RECQL4: variants seen among roughly 807,000 people sequenced by gnomAD.
RECQL4 encodes the protein RecQ like helicase 4.
RECQL4 carries 158 observed loss-of-function variants against 128.6 expected under a neutral mutation model. That is an observed-to-expected ratio of 1.23 (90% CI 1.08 to 1.40). The LOEUF (loss-of-function observed/expected upper bound fraction) is 1.40. Ranked by LOEUF, RECQL4 falls within the 40% of genes most tolerant of loss-of-function variation. The pLI is 0.00. For missense variants in RECQL4, 2,293 were observed against 1,649.8 expected (o/e 1.39, Z -6.75); for synonymous variants, 996 against 678.9 (o/e 1.47, Z -7.26).
rs769823922 is a variant in RECQL4 at position 144,512,217 on chromosome 8, G to A, written c.3163C>T (p.Leu1055Phe). The change falls in exon 18 of 21, where the codon CTC becomes TTC. Residue 1055 changes from leucine (L) to phenylalanine (F), a missense_variant. Transcript: ENST00000617875. The stretch of plus-strand genomic sequence containing the variant: ...TCCCGGGCCTGCACACGGCCATAGA[G>A]GAAGTCACATATCTGGTCCTTCTCC... ...AEEKDQICDF[L>F]YGRVQARERQ... 12 of 1,612,324 alleles carry A rather than the reference G, an allele frequency of 7.4e-6. No individual in the cohort carries two copies. The highest frequency in any genetic ancestry group is 9.3e-6 in the Non-Finnish European group (11 of 1,179,756).
intron 4 of RECQL4, 48 bp from the exon 5 acceptor site, chr8:144,516,812 T>A: frequency 6.7e-7 from 1 of 1,494,450 alleles, no homozygotes; most frequent in Non-Finnish European, 8.9e-7. Flanking sequence ...GCCCCTGAGC[T>A]ACTGTAGACT....
chr8:144,517,387 G>A (rs1815327731), intron 3 of RECQL4, 27 bp downstream of exon 3: 1 of 1,544,506 alleles, frequency 6.5e-7, no homozygotes, highest in Non-Finnish European at 8.7e-7. Context: ...GAAGTGGGAG[G>A]AGGCTGGGGC....
rs1827949490 is a variant in RECQL4, at chr8:144,515,028, G to A, written c.1528C>T (p.Leu510=). ...LVLPTGAGKS[L]CYQLPALLYS... is the part of the protein sequence containing the mutation. Reference sequence around the variant, plus strand: ...AGCAGCGCTGGGAGCTGGTAGCACAGGGACTTGCCGGCACCTGTAGGCAGC... The same window carrying A: ...AGCAGCGCTGGGAGCTGGTAGCACAAGGACTTGCCGGCACCTGTAGGCAGC... Residue 510 remains leucine, a synonymous_variant, in exon 9 of 21, where the codon CTG becomes TTG. Transcript: ENST00000617875. 2 of 1,610,238 alleles carry A rather than the reference G, an allele frequency of 1.2e-6. No individual in the cohort carries two copies. Among genetic ancestry groups the A allele is most frequent in the African/African-American group, 1.3e-5 (1 of 74,874 alleles).
chr8:144,516,006 G>A lies in RECQL4; in HGVS notation c.1113C>T (p.Ser371=), dbSNP rs1391435411. 1 of 1,609,746 alleles carries A rather than the reference G, an allele frequency of 6.2e-7. No homozygotes were observed. Among genetic ancestry groups the A allele is most frequent in the Non-Finnish European group, 8.5e-7 (1 of 1,177,486 alleles). The change falls in exon 5 of 21, where the codon AGC becomes AGT. Residue 371 remains serine, a synonymous_variant. Coordinates refer to ENST00000617875, the MANE Select transcript of RECQL4 (RefSeq NM_004260.4). ...GTCTTACCTGCTTGCGGAGGAGCCT[G>A]CTACGGAGTGCCCGGCCCCGCACGT... ...KHYVRGRALR[S]RLLRKQAWKQ... is the part of the protein sequence containing the mutation.
chr8:144,515,989 T>A lies in RECQL4; in HGVS notation c.1130A>T (p.Gln377Leu), dbSNP rs944826681. 25 of 1,609,516 alleles carry A rather than the reference T, an allele frequency of 1.6e-5. No homozygotes were observed. The Admixed American group carries it at 3.7e-4, about 24-fold the overall frequency. Residue 377 changes from glutamine (Q) to leucine (L), a missense_variant and splice_region_variant, in exon 5 of 21, where the codon CAG becomes CTG. By Grantham distance (113) the Gln-to-Leu change is moderately radical. Coordinates refer to ENST00000617875, the MANE Select transcript of RECQL4 (RefSeq NM_004260.4). ...RALRSRLLRK[Q>L]AWKQKWRKKG... ...TGTCCTGGCCCGTCGCTGTCTTACCTGCTTGCGGAGGAGCCTGCTACGGAG... is the reference window on the plus strand; with the variant it reads ...TGTCCTGGCCCGTCGCTGTCTTACCAGCTTGCGGAGGAGCCTGCTACGGAG...
intron 3 of RECQL4, 101 bp downstream of exon 3, chr8:144,517,313 C>A: frequency 6.7e-7 from 1 of 1,485,228 alleles, no homozygotes; most frequent in Non-Finnish European, 9.0e-7. Flanking sequence ...GTCCCCCTCC[C>A]AAGTTCTGTG....
chr8:144,516,108 G>T lies in RECQL4; in HGVS notation c.1011C>A (p.Ala337=), dbSNP rs759971028. 1.1e-5 allele frequency: 18 copies of T among 1,612,906 alleles called. No individual in the cohort carries two copies. The Admixed American group carries it at 2.5e-4, about 22-fold the overall frequency. The part of the protein sequence containing the change: ...QARAGKAEGT[A]PLHIFPRLAR... ...CCAGCCGAGGGAAGATGTGCAGGGG[G>T]GCTGTGCCCTCAGCCTTCCCAGCCC... The change falls in exon 5 of 21, where the codon GCC becomes GCA. Residue 337 remains alanine, a synonymous_variant. Transcript: ENST00000617875.
intron 4 of RECQL4, 50 bp from the exon 5 acceptor site, chr8:144,516,814 CTG>C: frequency 1.3e-6 from 2 of 1,493,534 alleles, no homozygotes; most frequent in Non-Finnish European, 1.8e-6. Context: ...CCCTGAGCTA[CTG>C]TAGACTCTAA....
intron 3 of RECQL4, 39 bp downstream of exon 3, chr8:144,517,375 G>A: frequency 1.3e-6 from 2 of 1,530,844 alleles, no homozygotes; most frequent in Non-Finnish European, 1.8e-6. Context: ...CCGCCAAACA[G>A]GGAAGTGGGA....
Position 144,513,644 on chromosome 8 carries a change from C to A in RECQL4, c.2127G>T (p.Arg709=), listed in dbSNP as rs1304253787. ...NLDSIIIYCN[R]REDTERIAAL... is the part of the protein sequence containing the mutation. ...CAGCGATCCGCTCTGTGTCCTCGCG[C>A]CGGTTGCAGTAAATGATAATGGAAT... Residue 709 remains arginine (R), a synonymous_variant, in exon 13 of 21, where the codon CGG becomes CGT. Transcript: ENST00000617875. 6.3e-7 allele frequency: 1 copy of A among 1,583,868 alleles called. No homozygotes were observed. The highest frequency in any genetic ancestry group is 8.6e-7 in the Non-Finnish European group (1 of 1,165,642).
intron 6 of RECQL4, 125 bp downstream of exon 6, chr8:144,515,639 T>A (rs1371207389): frequency 2.8e-6 from 4 of 1,453,438 alleles, no homozygotes; most frequent in Non-Finnish European, 3.7e-6. Flanking sequence ...TCAGGGGAGC[T>A]AGGGTAGGGC....
intron 4 of RECQL4, 85 bp from the exon 5 acceptor site, chr8:144,516,849 C>T: frequency 1.4e-6 from 2 of 1,413,658 alleles, no homozygotes; most frequent in Non-Finnish European, 1.9e-6. Flanking sequence ...TCCCCACGCT[C>T]AATTGTAGAG....
At position 144,514,481 on chromosome 8, in the gene RECQL4, C is replaced by T. The variant is rs756736123; in HGVS notation, c.1665G>A (p.Ser555=). 2.3e-5 allele frequency: 37 copies of T among 1,612,304 alleles called. No individual in the cohort carries two copies. The highest frequency in any genetic ancestry group is 8.9e-5 in the East Asian group (4 of 44,872). The change falls in exon 10 of 21, where the codon TCG becomes TCA. Residue 555 remains serine (S), a synonymous_variant. Coordinates refer to ENST00000617875, the MANE Select transcript of RECQL4 (RefSeq NM_004260.4). ...PPCLKAACIH[S]GMTRKQRESV... ...ATTCCCGTTGCTTCCTGGTCATGCC[C>T]GAGTGTATGCAGGCCGCCTTGAGAC...
intron 18 of RECQL4, 36 bp downstream of exon 18, chr8:144,512,108 G>GT: frequency 6.2e-7 from 1 of 1,603,018 alleles, no homozygotes; most frequent in South Asian, 1.1e-5. Flanking sequence ...CTGCGGGAGG[G>GT]TGGATGGTCC....
Position 144,515,807 on chromosome 8 carries a change from C to A in RECQL4, c.1215G>T (p.Leu405=). 1 of 1,612,768 alleles carries A rather than the reference C, an allele frequency of 6.2e-7. No homozygotes were observed. Among genetic ancestry groups the A allele is most frequent in the South Asian group, 1.1e-5 (1 of 90,996 alleles). ...CTGCCCAGTGATCGAACTGCTCGTT[C>A]AGGAAACAAGACTCCTTGGTTGTGA... is the stretch of plus-strand genomic sequence containing the variant. The part of the protein sequence containing the change: ...ATVTTKESCF[L]NEQFDHWAAQ... Residue 405 remains leucine, a synonymous_variant, in exon 6 of 21, where the codon CTG becomes CTT. Transcript: ENST00000617875.
intron 14 of RECQL4, 34 bp downstream of exon 14, chr8:144,513,184 G>T: frequency 9.4e-7 from 1 of 1,059,160 alleles, no homozygotes; most frequent in Non-Finnish European, 1.3e-6. Flanking sequence ...CTGGGGGCTC[G>T]AGCACTGGCA....
chr8:144,517,288 T>C, intron 3 of RECQL4, 98 bp from the exon 4 acceptor site: 1 of 1,503,528 alleles, frequency 6.7e-7, no homozygotes, highest in African/African-American at 1.4e-5. Flanking sequence ...GCCCGGCCCT[T>C]CTTCACTTTG....
At chr8:144,515,942 G>A (rs541078184) in intron 5 of RECQL4, 46 bp downstream of exon 5, 12 of 1,612,002 alleles carry the variant, frequency 7.4e-6, no homozygotes, top group South Asian at 1.1e-5. Flanking sequence ...CGGGAGGGCT[G>A]AGGGGAGGGA....
rs760532630 is a variant in RECQL4 at position 144,512,215 on chromosome 8, G to A, written c.3165C>T (p.Leu1055=). ...AEEKDQICDF[L]YGRVQARERQ... is the part of the protein sequence containing the mutation. ...GCTCCCGGGCCTGCACACGGCCATA[G>A]AGGAAGTCACATATCTGGTCCTTCT... is the stretch of plus-strand genomic sequence containing the variant. The change falls in exon 18 of 21, where the codon CTC becomes CTT. Residue 1055 remains leucine, a synonymous_variant. Transcript: ENST00000617875. The A allele has an allele frequency of 7.4e-6, 12 of 1,612,226 alleles. No homozygotes were observed. Among genetic ancestry groups the A allele is most frequent in the South Asian group, 4.4e-5 (4 of 91,082 alleles).
Sources: gnomAD v4.1 joint callset for allele counts on GRCh38, gnomAD v4.1.1 for gene constraint, MANE v1.5 for transcripts, NCBI Gene and HGNC (gene_info 2026-07-23, HGNC 2026-07-21) for gene names.